MMP28: variants seen among roughly 807,000 people sequenced by gnomAD.
The protein encoded by MMP28 is matrix metallopeptidase 28.
A neutral mutation model predicts 60.5 loss-of-function variants in MMP28; 55 were observed. The observed-to-expected ratio is 0.91, with a 90% CI of 0.73 to 1.14. The LOEUF (loss-of-function observed/expected upper bound fraction) is 1.14, where lower values mean the gene tolerates loss of function less well. Ranked by LOEUF, MMP28 falls within the 50% of genes most tolerant of loss-of-function variation. The pLI is 0.00. For synonymous variants in MMP28, 318 were observed against 312.5 expected, an observed-to-expected ratio of 1.02 and a Z score of -0.18; for missense variants, 686 against 738.3, an observed-to-expected ratio of 0.93 and a Z score of 0.82.
At chr17:35,764,270 T>C (rs1445822369), downstream of MMP28, 9 of 1,537,278 alleles carry the variant, frequency 5.9e-6, no homozygotes, top group Admixed American at 4.0e-5. Flanking sequence ...CAGCGGCTTC[T>C]GGGGCTGGCT....
At chr17:35,773,926 C>T (rs956006485) in intron 3 of MMP28, among the ~76,000 whole-genome samples, 7 of 152,206 alleles carry the variant, frequency 4.6e-5, no homozygotes, top group Non-Finnish European at 1.0e-4. Context: ...CCTCTAGACA[C>T]TTCACTCTGC....
chr17:35,771,085 C>A (rs1237881403), intron 4 of MMP28, among the ~76,000 whole-genome samples: 1 of 151,122 alleles, frequency 6.6e-6, no homozygotes, highest in Non-Finnish European at 1.5e-5. Context: ...GAAACAACAA[C>A]AACAAAAAAG....
chr17:35,771,135 T>A (rs915803961), intron 4 of MMP28, among the ~76,000 whole-genome samples: 14 of 151,826 alleles, frequency 9.2e-5, no homozygotes, highest in Admixed American at 7.9e-4. Context: ...TAAGGGCCAC[T>A]TAAGAATTAC....
intron 1 of MMP28, among the ~76,000 whole-genome samples, chr17:35,782,734 C>T (rs2086541148): frequency 6.6e-6 from 1 of 152,194 alleles, no homozygotes; most frequent in Non-Finnish European, 1.5e-5. Context: ...TGCTCAAAAT[C>T]GTGTGGCATC....
intron 2 of MMP28, among the ~76,000 whole-genome samples, chr17:35,756,778 T>C (rs1274391125): frequency 6.6e-6 from 1 of 151,982 alleles, no homozygotes; most frequent in Non-Finnish European, 1.5e-5. Flanking sequence ...TATCTTTCTA[T>C]TAAGATGTTC....
chr17:35,794,905 G>A (rs1035689008), intron 1 of MMP28, among the ~76,000 whole-genome samples: 5 of 152,320 alleles, frequency 3.3e-5, no homozygotes, highest in African/African-American at 1.2e-4. Flanking sequence ...CCAAACTGAG[G>A]CTTCCACACG....
chr17:35,766,054 A>G lies in MMP28; in HGVS notation c.*446T>C, dbSNP rs554814328. On this transcript the variant is annotated 3_prime_UTR_variant, in exon 8 of 8. Transcript: ENST00000605424. This position sits in a 1 kb window ranked among gnomAD's most constrained non-coding sequence, Gnocchi z 4.3. ...TCCTGGGGGTGGGGCCTCTGACTAA[A>G]TATGACACCGTTTTTCAAGAACTGA... 6 of 989,930 alleles carry G rather than the reference A, an allele frequency of 6.1e-6. No homozygotes were observed. In the South Asian group the frequency reaches 2.3e-4, roughly 38 times the overall value. 61.3% of individuals were successfully genotyped at this position (989,930 alleles called of 1,614,324 possible).
chr17:35,760,431 T>C (rs2085796748), intron 2 of MMP28, among the ~76,000 whole-genome samples: 1 of 152,006 alleles, frequency 6.6e-6, no homozygotes, highest in African/African-American at 2.4e-5. Context: ...GTACTGGCAA[T>C]GAAATGGAAA....
At position 35,766,835 on chromosome 17, in the gene MMP28, G is replaced by T; in HGVS notation, c.1228C>A (p.Arg410=). Residue 410 remains arginine, a synonymous_variant, in exon 8 of 8, where the codon CGG becomes AGG. Transcript: ENST00000605424. The surrounding 1 kb of genome is among the most constrained non-coding windows in gnomAD (Gnocchi z 4.3). The stretch of plus-strand genomic sequence containing the variant: ...GGATGGCGGGGCAGGCCCCCTGCCC[G>T]GCACAGCTGTGGGAGACCCCACACT... ...KPVWGLPQLC[R]AGGLPRHPDA... 6.3e-7 allele frequency: 1 copy of T among 1,576,984 alleles called. No individual in the cohort carries two copies.
intron 1 of MMP28, among the ~76,000 whole-genome samples, chr17:35,784,012 T>C (rs2086579076): frequency 1.3e-5 from 2 of 152,096 alleles, no homozygotes; most frequent in South Asian, 4.1e-4. Flanking sequence ...TGGCTGTGCG[T>C]AGTCATGCCT....
At chr17:35,760,876 G>A, downstream of MMP28, 2 of 1,599,980 alleles carry the variant, frequency 1.3e-6, no homozygotes, top group Admixed American at 1.7e-5. Context: ...AAAGTTCTAT[G>A]GGTTCTGGGC....
intron 1 of MMP28, among the ~76,000 whole-genome samples, chr17:35,784,234 A>G (rs1443911483): frequency 3.3e-5 from 5 of 151,574 alleles, no homozygotes; most frequent in Non-Finnish European, 5.9e-5. Flanking sequence ...GTGAGCCCAG[A>G]TCACAACACT....
chr17:35,756,566 G>A (rs1214345819), intron 2 of MMP28: 1 of 336,638 alleles, frequency 3.0e-6, no homozygotes, highest in African/African-American at 2.3e-5. Flanking sequence ...TGCTTCTCGG[G>A]TTCAAGTGAT....
chr17:35,759,718 C>A (rs1291296602), intron 2 of MMP28, among the ~76,000 whole-genome samples: 1 of 151,034 alleles, frequency 6.6e-6, no homozygotes, highest in Admixed American at 6.6e-5. Context: ...ACCGCCCCCC[C>A]AAAAAAGATT....
Position 35,766,521 on chromosome 17 carries a change from G to T in MMP28, c.1542C>A (p.Asn514Lys). 1 of 1,597,560 alleles carries T rather than the reference G, an allele frequency of 6.3e-7. No homozygotes were observed. The change falls in exon 8 of 8, where the codon AAC (asparagine) becomes AAA (lysine). Residue 514 changes from asparagine to lysine, a missense_variant. Asn to Lys is a moderately conservative substitution (Grantham distance 94). Transcript: ENST00000605424. This position sits in a 1 kb window ranked among gnomAD's most constrained non-coding sequence, Gnocchi z 4.3. ...GCCTTCAGAACAGGGCGCTCCCCGA[G>T]TTGGCATGCCAGCAGCCCATCCAGG... ...ELPWMGCWHA[N>K]SGSALF
chr17:35,770,577 G>A (rs1012687796), intron 4 of MMP28, among the ~76,000 whole-genome samples: 1 of 151,862 alleles, frequency 6.6e-6, no homozygotes, highest in Non-Finnish European at 1.5e-5. Flanking sequence ...CAATTTGGGT[G>A]CCATTCCTAC....
intron 3 of MMP28, among the ~76,000 whole-genome samples, chr17:35,773,936 C>T (rs913807038): frequency 1.3e-5 from 2 of 152,166 alleles, no homozygotes; most frequent in Non-Finnish European, 2.9e-5. Context: ...CTTCACTCTG[C>T]CCTTTCCAGG....
At chr17:35,783,704 G>T (rs898300663) in intron 1 of MMP28, among the ~76,000 whole-genome samples, 1 of 152,048 alleles carries the variant, frequency 6.6e-6, no homozygotes, top group Non-Finnish European at 1.5e-5. Context: ...AAATTAACTG[G>T]CAGCGTCTCT....
intron 3 of MMP28, among the ~76,000 whole-genome samples, chr17:35,775,829 G>A (rs2143371768): frequency 6.6e-6 from 1 of 152,338 alleles, no homozygotes; most frequent in Middle Eastern, 3.4e-3. Flanking sequence ...GAAGCCTGCA[G>A]GCAGGCAGGA....
Sources: gnomAD v4.1 joint callset for allele counts (sites outside exome capture counted in the v4.1 genomes callset) on GRCh38, gnomAD v4.1.1 for gene constraint, Gnocchi (gnomAD v3.1) non-coding constraint, MANE v1.5 for transcripts, NCBI Gene and HGNC (gene_info 2026-07-23, HGNC 2026-07-21) for gene names.